The following ASIC2 variants were observed in gnomAD, a reference collection of about 807,000 sequenced individuals.
ASIC2 encodes acid-sensing ion channel 2.
Under a neutral mutation model 57.3 loss-of-function variants are expected in ASIC2, and 25 were observed. The ratio of observed to expected loss-of-function variants is 0.44; its 90% confidence interval spans 0.32 to 0.61. ASIC2 has a LOEUF of 0.61. Among genes scored for constraint, ASIC2 ranks in the 20% least tolerant of loss-of-function variants. The pLI is 0.06. For missense variants in ASIC2, 641 were observed against 738.1 expected (o/e 0.87, Z 1.52); for synonymous variants, 319 against 307.5 (o/e 1.04, Z -0.39).
intron 1 of ASIC2, among the ~76,000 whole-genome samples, chr17:34,015,304 C>T (rs979376472): frequency 1.3e-5 from 2 of 152,168 alleles, no homozygotes; most frequent in African/African-American, 4.8e-5. Context: ...CCAGTTTAAA[C>T]CTCATCACAG....
intron 3 of ASIC2, among the ~76,000 whole-genome samples, chr17:33,041,249 T>C (rs1205435447): frequency 1.3e-5 from 2 of 152,220 alleles, no homozygotes; most frequent in East Asian, 3.8e-4. Flanking sequence ...CTCCTAGGAC[T>C]TCCTGAGAGT....
At chr17:33,898,196 A>C (rs1173350691) in intron 1 of ASIC2, among the ~76,000 whole-genome samples, 4 of 145,822 alleles carry the variant, frequency 2.7e-5, no homozygotes, top group Non-Finnish European at 6.0e-5. Context: ...AAACTACAAA[A>C]ACTGCCCAGA....
intron 1 of ASIC2, among the ~76,000 whole-genome samples, chr17:33,791,593 C>A (rs1165757951): frequency 6.6e-6 from 1 of 152,076 alleles, no homozygotes; most frequent in African/African-American, 2.4e-5. Flanking sequence ...AGTCCCCAAA[C>A]CTGTATATAA....
chr17:34,030,144 G>A (rs894417872), intron 1 of ASIC2, among the ~76,000 whole-genome samples: 36 of 152,204 alleles, frequency 2.4e-4, no homozygotes, highest in Admixed American at 1.5e-3. Flanking sequence ...AGGAGTGAAA[G>A]TTATGAGGGT....
At chr17:33,376,591 C>T (rs1373629860) in intron 1 of ASIC2, among the ~76,000 whole-genome samples, 2 of 152,184 alleles carry the variant, frequency 1.3e-5, no homozygotes, top group African/African-American at 4.8e-5. Context: ...GAAGCAGGCA[C>T]TGTTACTACC....
At chr17:33,363,069 C>T (rs370811717) in intron 1 of ASIC2, among the ~76,000 whole-genome samples, 1 of 152,084 alleles carries the variant, frequency 6.6e-6, no homozygotes, top group Non-Finnish European at 1.5e-5. Flanking sequence ...AATATATGGG[C>T]CCCAACAGCA....
intron 8 of ASIC2, among the ~76,000 whole-genome samples, chr17:33,016,393 T>G (rs947799545): frequency 3.9e-5 from 6 of 152,126 alleles, no homozygotes; most frequent in Non-Finnish European, 8.8e-5. Context: ...TTTCTGTGGC[T>G]GGGGCTGGGG....
chr17:33,919,637 A>C (rs192696341), intron 1 of ASIC2, among the ~76,000 whole-genome samples: 1 of 152,358 alleles, frequency 6.6e-6, no homozygotes, highest in African/African-American at 2.4e-5. Flanking sequence ...CAAAGTCTTC[A>C]AAAGCAATTG....
intron 1 of ASIC2, among the ~76,000 whole-genome samples, chr17:33,809,626 G>A (rs1326707622): frequency 6.6e-6 from 1 of 152,196 alleles, no homozygotes; most frequent in East Asian, 1.9e-4. Context: ...AGAGTGCATG[G>A]TGTACCCAAA....
At chr17:33,952,925 AG>A (rs1224386320) in intron 1 of ASIC2, among the ~76,000 whole-genome samples, 1 of 152,212 alleles carries the variant, frequency 6.6e-6, no homozygotes, top group Non-Finnish European at 1.5e-5. Flanking sequence ...TAATTATAAA[AG>A]GTTGGAAGAA....
At chr17:33,176,914 G>A (rs1905780369) in intron 1 of ASIC2, among the ~76,000 whole-genome samples, 1 of 152,180 alleles carries the variant, frequency 6.6e-6, no homozygotes, top group Admixed American at 6.5e-5. Flanking sequence ...TACAGGGGCA[G>A]GGAGAAGAGA....
At chr17:33,492,388 T>C (rs1314175282) in intron 1 of ASIC2, among the ~76,000 whole-genome samples, 4 of 152,214 alleles carry the variant, frequency 2.6e-5, no homozygotes, top group Non-Finnish European at 5.9e-5. Flanking sequence ...ATGGGAATGA[T>C]GAGCTCCACG....
At chr17:33,234,850 G>C (rs1279687982) in intron 1 of ASIC2, among the ~76,000 whole-genome samples, 1 of 152,184 alleles carries the variant, frequency 6.6e-6, no homozygotes. Context: ...ATCACATTAG[G>C]GGTTAGGATT....
At chr17:33,505,707 C>T (rs1914228129) in intron 1 of ASIC2, among the ~76,000 whole-genome samples, 1 of 152,184 alleles carries the variant, frequency 6.6e-6, no homozygotes, top group Admixed American at 6.5e-5. Context: ...TTCTAGCCTC[C>T]TAGTCTCAGC....
At chr17:33,504,720 A>G (rs1356450349) in intron 1 of ASIC2, among the ~76,000 whole-genome samples, 1 of 152,190 alleles carries the variant, frequency 6.6e-6, no homozygotes, top group African/African-American at 2.4e-5. Context: ...CCAGCTACTC[A>G]GCCACTCCTC....
intron 1 of ASIC2, among the ~76,000 whole-genome samples, chr17:34,110,672 C>T (rs7221344): frequency 5.0e-4 from 76 of 152,306 alleles, no homozygotes; most frequent in African/African-American, 1.7e-3. Flanking sequence ...GTTAGGAAGG[C>T]TTTGCAATGT....
intron 1 of ASIC2, chr17:33,569,408 G>C (rs949728044): frequency 6.6e-6 from 1 of 152,250 alleles, no homozygotes. Context: ...TGATCAATGA[G>C]CCCCTGTCAC....
At chr17:33,652,367 A>G (rs1906947155) in intron 1 of ASIC2, among the ~76,000 whole-genome samples, 2 of 152,220 alleles carry the variant, frequency 1.3e-5, no homozygotes, top group South Asian at 4.1e-4. Context: ...TGCAAGAGGC[A>G]TTAATAGTAG....
chr17:33,355,660 T>C (rs1908348218), intron 1 of ASIC2, among the ~76,000 whole-genome samples: 1 of 152,248 alleles, frequency 6.6e-6, no homozygotes, highest in Non-Finnish European at 1.5e-5. Flanking sequence ...CCTTGATAAA[T>C]AGTAGAAGTT....
Sources: gnomAD v4.1 joint callset for allele counts (sites outside exome capture counted in the v4.1 genomes callset) on GRCh38, gnomAD v4.1.1 for gene constraint, MANE v1.5 for transcripts, NCBI Gene and HGNC (gene_info 2026-07-23, HGNC 2026-07-21) for gene names.